The following BMP6 variants were observed in gnomAD, a reference collection of about 807,000 sequenced individuals.
BMP6 encodes VG-1-R.
Under a neutral mutation model 54.1 loss-of-function variants are expected in BMP6, and 17 were observed. The observed-to-expected ratio is 0.31, with a 90% CI of 0.22 to 0.47. The LOEUF (loss-of-function observed/expected upper bound fraction) is 0.47, where lower values mean the gene tolerates loss of function less well. BMP6 is among the 20% of genes least tolerant of loss of function. The pLI is 1.00. For missense variants in BMP6, 720 were observed against 690.4 expected (o/e 1.04, Z -0.48); for synonymous variants, 328 against 291.2 (o/e 1.13, Z -1.28).
At chr6:7,837,461 T>C (rs1758892359) in intron 1 of BMP6, among the ~76,000 whole-genome samples, 1 of 152,074 alleles carries the variant, frequency 6.6e-6, no homozygotes, top group Non-Finnish European at 1.5e-5. Context: ...AATGAGAGGA[T>C]TCTATGAAAA....
intron 1 of BMP6, among the ~76,000 whole-genome samples, chr6:7,752,803 T>C (rs1757447119): frequency 6.6e-6 from 1 of 152,194 alleles, no homozygotes; most frequent in Non-Finnish European, 1.5e-5. Context: ...TGGATTATAA[T>C]TTAGATATCA....
chr6:7,786,849 A>G (rs914326266), intron 1 of BMP6, among the ~76,000 whole-genome samples: 1 of 152,176 alleles, frequency 6.6e-6, no homozygotes, highest in Non-Finnish European at 1.5e-5. Flanking sequence ...GGGCACAGCA[A>G]TTTGACAAGT....
chr6:7,740,814 A>G (rs1469353064), intron 1 of BMP6, among the ~76,000 whole-genome samples: 7 of 152,084 alleles, frequency 4.6e-5, no homozygotes, highest in Admixed American at 1.3e-4. Flanking sequence ...CCATCTTCCC[A>G]TCATCTTTTC....
chr6:7,736,184 G>C (rs199205), intron 1 of BMP6, among the ~76,000 whole-genome samples: 126,059 of 152,158 alleles, frequency 0.83, 52,474 homozygotes, highest in African/African-American at 0.92. Flanking sequence ...CGCATAGTTT[G>C]ACTGAGGTGT....
At chr6:7,857,074 G>A (rs1759253381) in intron 2 of BMP6, among the ~76,000 whole-genome samples, 1 of 152,152 alleles carries the variant, frequency 6.6e-6, no homozygotes, top group South Asian at 2.1e-4. Flanking sequence ...CTGTATTTTG[G>A]CAATGGTGCT....
chr6:7,802,265 T>TG (rs375527316), intron 1 of BMP6, among the ~76,000 whole-genome samples: 26 of 152,350 alleles, frequency 1.7e-4, no homozygotes, highest in African/African-American at 6.3e-4. Context: ...CGGAGCCCAA[T>TG]GGGAAGAGTG....
At chr6:7,765,421 C>T (rs1757672258) in intron 1 of BMP6, among the ~76,000 whole-genome samples, 1 of 152,148 alleles carries the variant, frequency 6.6e-6, no homozygotes, top group African/African-American at 2.4e-5. Flanking sequence ...AAAAACAAAA[C>T]AATACAAAGC....
chr6:7,879,226 C>A, intron 5 of BMP6, 76 bp downstream of exon 5: 1 of 1,426,054 alleles, frequency 7.0e-7, no homozygotes, highest in Non-Finnish European at 9.9e-7. Flanking sequence ...CAGCCATTAC[C>A]AAACACCCAG....
rs1185183269 is a variant in BMP6 at position 7,881,437 on chromosome 6, A to G, written c.*1094A>G. ...ATAATCTACAACTGTTTGCACTTAC[A>G]GCTTTTTTTGTAAATATAAACTATA... On this transcript the variant is annotated 3_prime_UTR_variant, in exon 7 of 7. Transcript: ENST00000283147. 5 of 152,648 alleles carry G rather than the reference A, an allele frequency of 3.3e-5. No homozygotes were observed. The highest frequency in any genetic ancestry group is 6.5e-5 in the Admixed American group (1 of 15,288). The allele number at this position is 152,648 out of a possible 1,614,324, so 9.5% of individuals were successfully genotyped here. A position where few individuals can be genotyped will look rare whatever the true frequency, so the allele number is the denominator to read the frequency against.
At chr6:7,874,118 A>T (rs1040775639) in intron 4 of BMP6, among the ~76,000 whole-genome samples, 12 of 152,302 alleles carry the variant, frequency 7.9e-5, no homozygotes, top group East Asian at 7.7e-4. Flanking sequence ...AGGAGAGGAA[A>T]GAGTGAGTGG....
chr6:7,769,651 G>A (rs1280637452), intron 1 of BMP6, among the ~76,000 whole-genome samples: 2 of 152,162 alleles, frequency 1.3e-5, no homozygotes, highest in African/African-American at 4.8e-5. Flanking sequence ...TAGGGTTTTG[G>A]AATTTCAGGG....
At chr6:7,782,246 C>T (rs1197349862) in intron 1 of BMP6, among the ~76,000 whole-genome samples, 1 of 152,020 alleles carries the variant, frequency 6.6e-6, no homozygotes, top group Admixed American at 6.6e-5. Context: ...TCTAGGAAGC[C>T]CCCCACACCA....
At chr6:7,868,427 C>T (rs1245478921) in intron 4 of BMP6, among the ~76,000 whole-genome samples, 1 of 152,182 alleles carries the variant, frequency 6.6e-6, no homozygotes, top group African/African-American at 2.4e-5. Flanking sequence ...ACCTGCTGCG[C>T]GTTCTTCAAT....
chr6:7,819,272 G>A (rs1758573048), intron 1 of BMP6, among the ~76,000 whole-genome samples: 1 of 152,156 alleles, frequency 6.6e-6, no homozygotes, highest in Non-Finnish European at 1.5e-5. Flanking sequence ...TTAGCAGCTG[G>A]AGAGGATGAT....
At chr6:7,763,628 A>C (rs1757645128) in intron 1 of BMP6, among the ~76,000 whole-genome samples, 1 of 152,156 alleles carries the variant, frequency 6.6e-6, no homozygotes, top group Non-Finnish European at 1.5e-5. Flanking sequence ...TTGTCCTATC[A>C]TGGCTGGGCA....
At position 7,881,188 on chromosome 6, in the gene BMP6, C is replaced by G. The variant is rs1759717776; in HGVS notation, c.*845C>G. On this transcript the variant is annotated 3_prime_UTR_variant, in exon 7 of 7. Coordinates refer to ENST00000283147, the MANE Select transcript of BMP6 (RefSeq NM_001718.6). The stretch of plus-strand genomic sequence containing the variant: ...GGTTCTCTGCCTTTTTACTATACAG[C>G]ATACCACGCCACAGGGTTAGAACCA... 6.6e-6 allele frequency: 1 copy of G among 152,536 alleles called. No individual in the cohort carries two copies. Among genetic ancestry groups the G allele is most frequent in the Non-Finnish European group, 1.5e-5 (1 of 68,042 alleles). The allele number at this position is 152,536 out of a possible 1,614,324, so 9.4% of individuals were successfully genotyped here.
chr6:7,764,222 G>T (rs942976905), intron 1 of BMP6, among the ~76,000 whole-genome samples: 1 of 152,126 alleles, frequency 6.6e-6, no homozygotes, highest in Non-Finnish European at 1.5e-5. Flanking sequence ...GGAGGGAAGA[G>T]GATTCTGAAA....
At chr6:7,773,315 G>A (rs1757817921) in intron 1 of BMP6, among the ~76,000 whole-genome samples, 1 of 152,184 alleles carries the variant, frequency 6.6e-6, no homozygotes, top group Non-Finnish European at 1.5e-5. Flanking sequence ...AGCCAGATGA[G>A]TTCCCATATT....
chr6:7,840,427 C>T (rs1365073999), intron 1 of BMP6, among the ~76,000 whole-genome samples: 2 of 152,040 alleles, frequency 1.3e-5, no homozygotes, highest in East Asian at 3.9e-4. Context: ...TCATTACCTC[C>T]GTAAATTGCA....
Sources: allele counts gnomAD v4.1 joint callset (sites outside exome capture counted in the v4.1 genomes callset), GRCh38; gene constraint gnomAD v4.1.1; transcripts MANE v1.5; gene names NCBI Gene and HGNC (gene_info 2026-07-23, HGNC 2026-07-21).